Variants in DAB1 observed in about 807,000 individuals in gnomAD.
DAB1 encodes the protein DAB adaptor protein 1, also known as disabled homolog 1.
A neutral mutation model predicts 64.6 loss-of-function variants in DAB1; 15 were observed. The observed-to-expected ratio is 0.23, with a 90% confidence interval of 0.16 to 0.36. The LOEUF is 0.36. DAB1 is among the 10% of genes least tolerant of loss of function. The pLI is 1.00. For synonymous variants in DAB1, 235 were observed against 251.9 expected (o/e 0.93, Z 0.64); for missense variants, 596 against 706.7 (o/e 0.84, Z 1.78).
chr1:58,515,997 G>A (rs1646152358), intron 2 of DAB1, among the ~76,000 whole-genome samples: 2 of 152,096 alleles, frequency 1.3e-5, no homozygotes, highest in African/African-American at 4.8e-5. Flanking sequence ...TCACTAGATG[G>A]TGCTATTGGC....
intron 4 of DAB1, among the ~76,000 whole-genome samples, chr1:58,315,847 T>C (rs1191362164): frequency 6.6e-6 from 1 of 152,222 alleles, no homozygotes; most frequent in Non-Finnish European, 1.5e-5. Flanking sequence ...GATGCTAAGA[T>C]TCTGACTTTT....
chr1:58,413,223 T>A (rs1644687128), intron 3 of DAB1, among the ~76,000 whole-genome samples: 1 of 152,250 alleles, frequency 6.6e-6, no homozygotes, highest in Non-Finnish European at 1.5e-5. Context: ...TCCAAGGGTC[T>A]GAAGACGAAC....
At chr1:57,355,873 A>AACAC (rs10529674) in intron 1 of DAB1, among the ~76,000 whole-genome samples, 14,245 of 145,862 alleles carry the variant, frequency 0.098, 740 homozygotes, top group Middle Eastern at 0.14. Context: ...AACCTCAATA[A>AACAC]ACACACACAC....
intron 4 of DAB1, among the ~76,000 whole-genome samples, chr1:58,280,637 G>A (rs1661537966): frequency 6.6e-6 from 1 of 152,162 alleles, no homozygotes; most frequent in Non-Finnish European, 1.5e-5. Context: ...AATCCTACCT[G>A]GCACTTTCCA....
At chr1:57,452,775 T>C (rs1686435488) in intron 7 of DAB1, among the ~76,000 whole-genome samples, 1 of 152,028 alleles carries the variant, frequency 6.6e-6, no homozygotes, top group African/African-American at 2.4e-5. Flanking sequence ...AATAGAGACC[T>C]TATCTGCCTT....
At chr1:57,959,937 T>C (rs180725609) in intron 5 of DAB1, among the ~76,000 whole-genome samples, 7 of 152,302 alleles carry the variant, frequency 4.6e-5, no homozygotes, top group Non-Finnish European at 1.0e-4. Context: ...TTCACTCTTC[T>C]TTCTCCTCTC....
At chr1:57,047,408 T>A (rs903590488) in intron 9 of DAB1, among the ~76,000 whole-genome samples, 1 of 152,046 alleles carries the variant, frequency 6.6e-6, no homozygotes, top group African/African-American at 2.4e-5. Context: ...TAGGAGGTAA[T>A]TAGGGCTAGA....
rs1262954551 is a variant in DAB1, at chr1:57,647,836, G to T, written n.625+1756C>A. On this transcript the variant is annotated intron_variant and non_coding_transcript_variant, in intron 7 of 20. Coordinates refer to the DAB1 transcript ENST00000485760. ...GGTGACTTGGATAGGGCCTCACAGG[G>T]GCATAATGGCAGAGCTCAAATTAAA... 2.0e-5 allele frequency among the ~76,000 whole-genome samples: 3 copies of T among 152,242 alleles called. No homozygotes were observed. In the East Asian group the frequency reaches 5.8e-4, roughly 29 times the overall value.
chr1:57,648,630 T>C (rs1357635685), intron 7 of DAB1, among the ~76,000 whole-genome samples: 1 of 152,228 alleles, frequency 6.6e-6, no homozygotes, highest in Non-Finnish European at 1.5e-5. Context: ...AGTCCTGTTG[T>C]TCCCCAAGGT....
At chr1:57,741,621 G>A (rs1570785609) in intron 6 of DAB1, among the ~76,000 whole-genome samples, 1 of 152,362 alleles carries the variant, frequency 6.6e-6, no homozygotes, top group East Asian at 1.9e-4. Context: ...GGTGAAGGGA[G>A]TGAAAGCAGA....
chr1:57,001,488 C>T (rs1304477861), intron 14 of DAB1, among the ~76,000 whole-genome samples: 21 of 152,200 alleles, frequency 1.4e-4, no homozygotes, highest in Admixed American at 6.5e-5. Flanking sequence ...CTTCAGGTCA[C>T]GTAAATGATG....
intron 6 of DAB1, among the ~76,000 whole-genome samples, chr1:57,723,362 T>G (rs570574448): frequency 6.6e-6 from 1 of 152,372 alleles, no homozygotes; most frequent in African/African-American, 2.4e-5. Context: ...ATGTTTTTTC[T>G]GATACGCCTG....
intron 3 of DAB1, among the ~76,000 whole-genome samples, chr1:58,456,748 C>T (rs899624834): frequency 1.2e-4 from 18 of 152,160 alleles, no homozygotes; most frequent in Non-Finnish European, 2.5e-4. Flanking sequence ...CCAATTAAGC[C>T]TTAAGTATGG....
chr1:57,954,712 C>T (rs1645351839), intron 5 of DAB1, among the ~76,000 whole-genome samples: 1 of 152,142 alleles, frequency 6.6e-6, no homozygotes, highest in African/African-American at 2.4e-5. Flanking sequence ...AGATGGAGTT[C>T]AGGATTAGTC....
At chr1:58,424,677 G>A (rs534033762) in intron 3 of DAB1, among the ~76,000 whole-genome samples, 1 of 152,222 alleles carries the variant, frequency 6.6e-6, no homozygotes, top group Admixed American at 6.5e-5. Context: ...GACCAGTTAA[G>A]AGCTGTGACA....
intron 5 of DAB1, among the ~76,000 whole-genome samples, chr1:58,066,754 A>G (rs1648878053): frequency 6.6e-6 from 1 of 152,210 alleles, no homozygotes; most frequent in African/African-American, 2.4e-5. Context: ...GGCAGAGTCC[A>G]GCTCCAGGTG....
At chr1:57,211,971 C>CTTT (rs377553456) in intron 2 of DAB1, among the ~76,000 whole-genome samples, 11 of 152,248 alleles carry the variant, frequency 7.2e-5, no homozygotes, top group African/African-American at 2.4e-4. Flanking sequence ...ACCAATCCCC[C>CTTT]AAAGATACTG....
At chr1:57,601,950 A>G (rs1306145507) in intron 7 of DAB1, among the ~76,000 whole-genome samples, 1 of 152,194 alleles carries the variant, frequency 6.6e-6, no homozygotes, top group African/African-American at 2.4e-5. Context: ...GACAGACATG[A>G]GAACAAATGG....
intron 5 of DAB1, among the ~76,000 whole-genome samples, chr1:58,090,249 A>G (rs1194063554): frequency 6.6e-6 from 1 of 152,186 alleles, no homozygotes; most frequent in Non-Finnish European, 1.5e-5. Flanking sequence ...GCTGAAAACT[A>G]GGAAAAGAAT....
Sources: allele counts gnomAD v4.1 joint callset (sites outside exome capture counted in the v4.1 genomes callset), GRCh38; gene constraint gnomAD v4.1.1; transcripts MANE v1.5; gene names NCBI Gene and HGNC (gene_info 2026-07-23, HGNC 2026-07-21).